Variants in ZFP62 observed in about 807,000 individuals in gnomAD.
ZFP62 encodes the protein ZFP62 zinc finger protein, also known as zinc finger protein 62 homolog.
In ZFP62, 44 loss-of-function variants were observed where a neutral mutation model predicts 56.4. The observed-to-expected ratio is 0.78, with a 90% CI of 0.61 to 1.00. The LOEUF (loss-of-function observed/expected upper bound fraction) is 1.00, where lower values mean the gene tolerates loss of function less well. Ranked by LOEUF, ZFP62 falls within the 50% of genes least tolerant of loss-of-function variation. The pLI is 0.00. For missense variants in ZFP62, 1,030 were observed against 1,085.7 expected, an observed-to-expected ratio of 0.95 and a Z score of 0.72; for synonymous variants, 421 against 388.9, an observed-to-expected ratio of 1.08 and a Z score of -0.97.
intron 1 of ZFP62, among the ~76,000 whole-genome samples, chr5:180,853,640 A>G (rs1436171486): frequency 1.3e-5 from 2 of 152,250 alleles, no homozygotes; most frequent in Non-Finnish European, 2.9e-5. Context: ...AATCGCAGGA[A>G]GAGAACAAAA....
the ZFP62 span, among the ~76,000 whole-genome samples, chr5:180,838,660 G>A: frequency 6.6e-6 from 1 of 152,032 alleles, no homozygotes; most frequent in African/African-American, 2.4e-5. Flanking sequence ...GGTTCAGGAA[G>A]GAAAAAGTTT....
At chr5:180,837,718 C>T in the ZFP62 span, among the ~76,000 whole-genome samples, 1 of 152,204 alleles carries the variant, frequency 6.6e-6, no homozygotes, top group African/African-American at 2.4e-5. Flanking sequence ...CCCCACAAGA[C>T]TCTTCTGGGA....
downstream of ZFP62, chr5:180,846,001 C>T (rs186791646): frequency 4.3e-5 from 15 of 352,066 alleles, no homozygotes; most frequent in East Asian, 6.7e-4. Flanking sequence ...TCTTTCTCCT[C>T]CCCGCTTTTC....
At chr5:180,855,645 T>C (rs1773930528) in intron 1 of ZFP62, among the ~76,000 whole-genome samples, 1 of 152,096 alleles carries the variant, frequency 6.6e-6, no homozygotes, top group Admixed American at 6.6e-5. Flanking sequence ...ACCCACACTT[T>C]TGCCTAAATC....
the ZFP62 span, among the ~76,000 whole-genome samples, chr5:180,841,320 CATAT>C: frequency 2.1e-4 from 32 of 149,840 alleles, no homozygotes; most frequent in Admixed American, 3.3e-4. Flanking sequence ...TACATACACA[CATAT>C]ATATATATAT....
Position 180,851,333 on chromosome 5 carries a change from T to G in ZFP62, c.162A>C (p.Lys54Asn). The change falls in exon 2 of 2, where the codon AAA (lysine) becomes AAC (asparagine). Residue 54 changes from lysine to asparagine, a missense_variant. Coordinates refer to ENST00000502412, the MANE Select transcript of ZFP62 (RefSeq NM_001172638.2). The stretch of plus-strand genomic sequence containing the variant: ...CCTTCATCCTGTTTTCCACAGGCTT[T>G]TTCTGTTGATTCTCTACCTTGCTAT... ...VWDSKVENQQ[K>N]KPVENRMKED... The G allele has an allele frequency of 6.4e-7, 1 of 1,551,738 alleles. No homozygotes were observed. Among genetic ancestry groups the G allele is most frequent in the South Asian group, 1.2e-5 (1 of 84,056 alleles).
chr5:180,841,522 T>C, the ZFP62 span, among the ~76,000 whole-genome samples: 3 of 151,908 alleles, frequency 2.0e-5, no homozygotes, highest in African/African-American at 4.8e-5. Flanking sequence ...CTGTAGAAAA[T>C]TGTAAGGCCC....
chr5:180,836,471 A>G, the ZFP62 span, among the ~76,000 whole-genome samples: 81 of 152,160 alleles, frequency 5.3e-4, no homozygotes, highest in Middle Eastern at 3.4e-3. Context: ...GGGTCTCTCA[A>G]TCTCTCACTC....
chr5:180,848,160 TCTC>T lies in ZFP62; in HGVS notation c.*629_*631del, dbSNP rs1204875694. On this transcript the variant is annotated 3_prime_UTR_variant, in exon 2 of 2. Coordinates refer to ENST00000502412, the MANE Select transcript of ZFP62 (RefSeq NM_001172638.2). ...AATTTGCATTTTTTATGAGTGACTC[TCTC>T]CTATCTCCTGTTAGACTTGTAAGTC... The T allele has an allele frequency of 2.0e-6, 2 of 985,278 alleles. No individual in the cohort carries two copies. The highest frequency in any genetic ancestry group is 2.4e-6 in the Non-Finnish European group (2 of 829,922). 61.0% of individuals were successfully genotyped at this position (985,278 alleles called of 1,614,324 possible).
rs1358781498 is a variant in ZFP62, at chr5:180,850,236, G to A, written c.1259C>T (p.Ala420Val). 3 of 1,553,694 alleles carry A rather than the reference G, an allele frequency of 1.9e-6. No homozygotes were observed. Among genetic ancestry groups the A allele is most frequent in the Non-Finnish European group, 2.6e-6 (3 of 1,148,330 alleles). ...TTTCCCACACTCCTTACATTCATGG[G>A]CTTTCTTCCCAGGGTGAATGCTTTT... The part of the protein sequence containing the change: ...VHKSIHPGKK[A>V]HECKECGKSF... The change falls in exon 2 of 2, where the codon GCC becomes GTC. Residue 420 changes from alanine (A) to valine (V), a missense_variant. By Grantham distance (64) the Ala-to-Val change is moderately conservative. Coordinates refer to ENST00000502412, the MANE Select transcript of ZFP62 (RefSeq NM_001172638.2).
In ZFP62 at chr5:180,849,771, C is replaced by G; in HGVS notation, c.1724G>C (p.Ser575Thr). The G allele has an allele frequency of 1.3e-6, 2 of 1,551,814 alleles. No homozygotes were observed. The highest frequency in any genetic ancestry group is 4.9e-5 in the East Asian group (2 of 40,908). ...ECGKAYISLS[S>T]LINHKSVHPG... is the part of the protein sequence containing the mutation. ...GTGTACACTTTTATGATTTATAAGG[C>G]TCGAGAGAGAGATGTATGCTTTCCC... The change falls in exon 2 of 2, where the codon AGC becomes ACC. Residue 575 changes from serine to threonine, a missense_variant. By Grantham distance (58) the Ser-to-Thr change is moderately conservative. Coordinates refer to ENST00000502412, the MANE Select transcript of ZFP62 (RefSeq NM_001172638.2).
At chr5:180,833,171 G>A in the ZFP62 span, among the ~76,000 whole-genome samples, 1 of 152,064 alleles carries the variant, frequency 6.6e-6, no homozygotes, top group Admixed American at 6.6e-5. Flanking sequence ...CATGAGAGTG[G>A]AGCCCTCATG....
At chr5:180,837,197 A>C in the ZFP62 span, among the ~76,000 whole-genome samples, 1 of 152,214 alleles carries the variant, frequency 6.6e-6, no homozygotes, top group African/African-American at 2.4e-5. Context: ...GGGCCATGAA[A>C]CGAGACCACC....
At chr5:180,832,196 G>C in the ZFP62 span, among the ~76,000 whole-genome samples, 1 of 152,200 alleles carries the variant, frequency 6.6e-6, no homozygotes, top group Non-Finnish European at 1.5e-5. Context: ...CTGTCACCCA[G>C]GCTGGAGTGC....
chr5:180,855,263 T>G (rs935227663), intron 1 of ZFP62, among the ~76,000 whole-genome samples: 1 of 152,246 alleles, frequency 6.6e-6, no homozygotes, highest in Admixed American at 6.5e-5. Context: ...TTTGAAGTTA[T>G]TACCAAACAA....
At chr5:180,845,702 T>C, downstream of ZFP62, 1 of 985,350 alleles carries the variant, frequency 1.0e-6, no homozygotes, top group Non-Finnish European at 1.2e-6. Flanking sequence ...CTGTGGCCAA[T>C]TACTCAAGGT....
chr5:180,833,554 A>G, the ZFP62 span, among the ~76,000 whole-genome samples: 2 of 151,898 alleles, frequency 1.3e-5, no homozygotes, highest in Admixed American at 1.3e-4. Flanking sequence ...GTAAGAGGGC[A>G]GCCATCTGCA....
chr5:180,838,255 G>A, the ZFP62 span, among the ~76,000 whole-genome samples: 1 of 152,068 alleles, frequency 6.6e-6, no homozygotes, highest in African/African-American at 2.4e-5. Context: ...ATGTGGTGGT[G>A]GAGCATGGCC....
chr5:180,854,548 C>T (rs948909260), intron 1 of ZFP62, among the ~76,000 whole-genome samples: 8 of 152,136 alleles, frequency 5.3e-5, no homozygotes, highest in Admixed American at 3.9e-4. Context: ...AGGATATCCG[C>T]ATGGTCTTAA....
Sources: allele counts gnomAD v4.1 joint callset (sites outside exome capture counted in the v4.1 genomes callset), GRCh38; gene constraint gnomAD v4.1.1; transcripts MANE v1.5; gene names NCBI Gene and HGNC (gene_info 2026-07-23, HGNC 2026-07-21).